The following KLF7 variants were observed in gnomAD, a reference collection of about 807,000 sequenced individuals.
KLF7 encodes the protein KLF transcription factor 7, also known as Krueppel-like factor 7.
KLF7 carries 2 observed loss-of-function variants against 27.3 expected under a neutral mutation model. The observed-to-expected ratio is 0.07, with a 90% CI of 0.03 to 0.23. KLF7 has a LOEUF of 0.23. KLF7 is among the 10% of genes least tolerant of loss of function. KLF7 has a pLI of 1.00. For synonymous variants in KLF7, 165 were observed against 162.4 expected (o/e 1.02, Z -0.12); for missense variants, 221 against 394.1 (o/e 0.56, Z 3.72).
chr2:207,135,323 A>T (rs1057315706), intron 1 of KLF7, among the ~76,000 whole-genome samples: 1 of 152,224 alleles, frequency 6.6e-6, no homozygotes. Context: ...GGTTAAAAAA[A>T]AAAAGGGTTT....
At chr2:207,151,116 G>A (rs1041630354) in intron 1 of KLF7, among the ~76,000 whole-genome samples, 3 of 151,572 alleles carry the variant, frequency 2.0e-5, no homozygotes, top group Admixed American at 6.6e-5. Flanking sequence ...AAAGCTGACT[G>A]TCTCCTTGAG....
At chr2:207,167,153 G>A, upstream of KLF7, 2 of 1,438,168 alleles carry the variant, frequency 1.4e-6, no homozygotes, top group Non-Finnish European at 1.8e-6. Flanking sequence ...GGGGTCTCCA[G>A]CGAGGTGTCT....
intron 3 of KLF7, among the ~76,000 whole-genome samples, chr2:207,085,172 A>G (rs2105859807): frequency 6.7e-6 from 1 of 148,194 alleles, no homozygotes; most frequent in East Asian, 2.0e-4. Context: ...ATGAAAAAAA[A>G]AAAAAAAAAA....
In KLF7 at chr2:207,155,500, C is replaced by CA. The variant is rs2078358052; in HGVS notation, c.102+9966dup. Reference sequence around the variant, plus strand: ...TGTGCCAATGACAAAAGACCAGGAGCAAAACACCCTGAGCCCTTCAGAACA... The same window carrying CA: ...TGTGCCAATGACAAAAGACCAGGAGCAAAAACACCCTGAGCCCTTCAGAACA... On this transcript the variant is annotated intron_variant, in intron 1 of 3. Transcript: ENST00000309446. 3.9e-5 allele frequency among the ~76,000 whole-genome samples: 6 copies of CA among 152,296 alleles called. No homozygotes were observed. The South Asian group carries it at 1.2e-3, about 32-fold the overall frequency.
chr2:207,118,356 T>C (rs2077245400), intron 2 of KLF7, among the ~76,000 whole-genome samples: 1 of 152,230 alleles, frequency 6.6e-6, no homozygotes, highest in Non-Finnish European at 1.5e-5. Context: ...CATTTCTTTG[T>C]AATTTCCTTG....
At chr2:207,115,082 A>C (rs2077143206) in intron 2 of KLF7, among the ~76,000 whole-genome samples, 1 of 152,182 alleles carries the variant, frequency 6.6e-6, no homozygotes, top group Non-Finnish European at 1.5e-5. Context: ...AAGGAGTTTT[A>C]ATCTGTAAAT....
intron 3 of KLF7, among the ~76,000 whole-genome samples, chr2:207,086,264 C>T (rs145271788): frequency 5.9e-5 from 9 of 152,306 alleles, no homozygotes; most frequent in South Asian, 2.1e-4. Context: ...TGCCAACTCC[C>T]GGTCACTCCA....
upstream of KLF7, chr2:207,166,352 C>T (rs981951059): frequency 1.8e-5 from 4 of 225,784 alleles, no homozygotes; most frequent in African/African-American, 2.3e-5. Context: ...TTTTAGAGGG[C>T]TATATAAGGG....
chr2:207,108,900 C>A (rs2076954209), intron 2 of KLF7, among the ~76,000 whole-genome samples: 1 of 152,190 alleles, frequency 6.6e-6, no homozygotes, highest in Admixed American at 6.5e-5. Flanking sequence ...TCAACCTCAC[C>A]TAGCAAAGCT....
chr2:207,074,575 C>T lies in KLF7; in HGVS notation c.*6638G>A, dbSNP rs1006565241. 1 of 152,170 alleles carries T rather than the reference C, an allele frequency of 6.6e-6. No homozygotes were observed. The highest frequency in any genetic ancestry group is 2.4e-5 in the African/African-American group (1 of 41,404). The allele number at this position is 152,170 out of a possible 1,614,324, so 9.4% of individuals were successfully genotyped here. On this transcript the variant is annotated 3_prime_UTR_variant, in exon 4 of 4. Coordinates refer to ENST00000309446, the MANE Select transcript of KLF7 (RefSeq NM_003709.4). Reference sequence around the variant, plus strand: ...TGGCTTCCGGTTACCCATTTCCTCCCCACTCCAACCACCTCCTGTCATTTT... The same window carrying T: ...TGGCTTCCGGTTACCCATTTCCTCCTCACTCCAACCACCTCCTGTCATTTT...
At chr2:207,163,621 A>G (rs775566029) in intron 1 of KLF7, among the ~76,000 whole-genome samples, 1 of 152,216 alleles carries the variant, frequency 6.6e-6, no homozygotes, top group Admixed American at 6.5e-5. Context: ...GAACCAAAAC[A>G]AAGTTGCATG....
In KLF7 at chr2:207,165,334, C is replaced by G. The variant is rs367722003; in HGVS notation, c.102+133G>C. The stretch of plus-strand genomic sequence containing the variant: ...TGACTGTTTCAGAAAACATTTTCAA[C>G]AACAGACAGCCAAAAAGGAAGAAAA... On this transcript the variant is annotated intron_variant, in intron 1 of 3. Coordinates refer to ENST00000309446, the MANE Select transcript of KLF7 (RefSeq NM_003709.4). 4.6e-4 allele frequency: 594 copies of G among 1,299,936 alleles called. 6 individuals carry two copies. The highest frequency in any genetic ancestry group is 4.3e-3 in the South Asian group (316 of 72,872). The allele number at this position is 1,299,936 out of a possible 1,614,324, so 80.5% of individuals were successfully genotyped here.
At chr2:207,115,301 A>G (rs1167254313) in intron 2 of KLF7, among the ~76,000 whole-genome samples, 1 of 152,202 alleles carries the variant, frequency 6.6e-6, no homozygotes, top group Non-Finnish European at 1.5e-5. Flanking sequence ...ATGGGGTCCA[A>G]TCCCGGGTCA....
At chr2:207,092,823 GATATTATAAAAT>G (rs1175595509) in intron 2 of KLF7, among the ~76,000 whole-genome samples, 3 of 151,962 alleles carry the variant, frequency 2.0e-5, no homozygotes, top group African/African-American at 7.3e-5. Flanking sequence ...GTTCTATTAG[GATATTATAAAAT>G]ATATATTCAA....
At chr2:207,094,816 C>T (rs373733453) in intron 2 of KLF7, among the ~76,000 whole-genome samples, 9 of 151,800 alleles carry the variant, frequency 5.9e-5, no homozygotes, top group South Asian at 2.1e-4. Flanking sequence ...AGGTTTTTTG[C>T]GTATCTGATT....
intron 1 of KLF7, among the ~76,000 whole-genome samples, chr2:207,164,833 C>G (rs756812943): frequency 7.2e-5 from 11 of 152,182 alleles, no homozygotes; most frequent in Admixed American, 4.6e-4. Flanking sequence ...CTGGGAAAAC[C>G]TACAATTCAT....
chr2:207,160,835 G>A (rs2078525887), intron 1 of KLF7, among the ~76,000 whole-genome samples: 1 of 152,184 alleles, frequency 6.6e-6, no homozygotes, highest in African/African-American at 2.4e-5. Context: ...ACATTTGGAT[G>A]CTTAAGGTCT....
intron 2 of KLF7, among the ~76,000 whole-genome samples, chr2:207,118,231 G>A (rs1030158257): frequency 2.6e-5 from 4 of 152,012 alleles, no homozygotes; most frequent in African/African-American, 7.3e-5. Context: ...ATTTTAATGC[G>A]TGAACTGAGA....
At chr2:207,127,564 G>C (rs554911099) in intron 1 of KLF7, among the ~76,000 whole-genome samples, 1 of 152,126 alleles carries the variant, frequency 6.6e-6, no homozygotes, top group Admixed American at 6.5e-5. Context: ...ATGACAGGCC[G>C]GGTGCAGTGG....
Sources: allele counts gnomAD v4.1 joint callset (sites outside exome capture counted in the v4.1 genomes callset), GRCh38; gene constraint gnomAD v4.1.1; transcripts MANE v1.5; gene names NCBI Gene and HGNC (gene_info 2026-07-23, HGNC 2026-07-21).